ABL1: variants seen among roughly 807,000 people sequenced by gnomAD.
The protein encoded by ABL1 is tyrosine-protein kinase ABL1.
In ABL1, 11 loss-of-function variants were observed where a neutral mutation model predicts 94.7. The observed-to-expected ratio is 0.12, with a 90% CI of 0.07 to 0.19. ABL1 has a LOEUF of 0.19. Among genes scored for constraint, ABL1 ranks in the 10% least tolerant of loss-of-function variants. The pLI is 1.00. For missense variants in ABL1, 1,082 were observed against 1,489.4 expected, an observed-to-expected ratio of 0.73 and a Z score of 4.50; for synonymous variants, 656 against 622.4, an observed-to-expected ratio of 1.05 and a Z score of -0.80.
rs36109316 is a variant in ABL1 at position 130,748,765 on chromosome 9, C to T, written c.136+34310C>T. 5.1e-3 allele frequency among the ~76,000 whole-genome samples: 781 copies of T among 152,116 alleles called. 4 individuals carry two copies. The highest frequency in any genetic ancestry group is 8.1e-3 in the Non-Finnish European group (553 of 68,002). ...CTAATTTTTGTATTTTTAGTGGAGA[C>T]GGGGTTTCGCCATGTTGGCCAGGCT... On this transcript the variant is annotated intron_variant, in intron 1 of 10. Coordinates refer to the ABL1 transcript ENST00000372348.
chr9:130,857,258 A>G (rs1335900329), intron 3 of ABL1, among the ~76,000 whole-genome samples: 1 of 152,138 alleles, frequency 6.6e-6, no homozygotes, highest in South Asian at 2.1e-4. Context: ...TCACCAGGTC[A>G]CCCTCTATAG....
At chr9:130,846,044 A>C (rs918955543) in intron 1 of ABL1, among the ~76,000 whole-genome samples, 7 of 151,742 alleles carry the variant, frequency 4.6e-5, no homozygotes, top group African/African-American at 1.7e-4. Context: ...TTGGGATTTG[A>C]AGATAACACA....
At chr9:130,834,135 A>T (rs1262818503), upstream of ABL1, 5 of 454,262 alleles carry the variant, frequency 1.1e-5, no homozygotes, top group Non-Finnish European at 2.2e-5. Context: ...AACCTGAAGA[A>T]TTGGGATAAT....
rs969148028 is a variant in ABL1 at position 130,880,566 on chromosome 9, A to G, written c.1580A>G (p.Glu527Gly). The change falls in exon 10 of 11, where the codon GAG (glutamate) becomes GGG (glycine). Residue 527 changes from glutamate (E) to glycine (G), a missense_variant. By Grantham distance (98) the Glu-to-Gly change is moderately conservative. Around this residue, in one of 7 missense-constraint regions of ABL1, gnomAD observed 780 missense variants for 835.8 expected, o/e 0.93. Coordinates refer to ENST00000318560, the MANE Select transcript of ABL1 (RefSeq NM_005157.6). The surrounding 1 kb of genome is among the most constrained non-coding windows in gnomAD (Gnocchi z 4.4). ...GTGAGTACCTTGCTGCAGGCCCCAG[A>G]GCTGCCCACCAAGACGAGGACCTCC... ...GAVSTLLQAP[E>G]LPTKTRTSRR... The G allele has an allele frequency of 6.2e-7, 1 of 1,613,852 alleles. No homozygotes were observed. The highest frequency in any genetic ancestry group is 8.5e-7 in the Non-Finnish European group (1 of 1,179,890).
intron 1 of ABL1, among the ~76,000 whole-genome samples, chr9:130,776,655 G>A (rs1832315539): frequency 6.6e-6 from 1 of 152,158 alleles, no homozygotes; most frequent in Non-Finnish European, 1.5e-5. Flanking sequence ...ACAGGCTGGT[G>A]TGAAGTTGGT....
At position 130,789,948 on chromosome 9, in the gene ABL1, T is replaced by C. The variant is rs1213634420; in HGVS notation, c.137-64116T>C. ...TGAGAAGGTCCAACTTATGTCTAAT[T>C]GGAGTTCCAGAAGAAGATACTACAG... On this transcript the variant is annotated intron_variant, in intron 1 of 10. Coordinates refer to the ABL1 transcript ENST00000372348. Among the ~76,000 whole-genome samples the C allele has an allele frequency of 2.0e-5, 3 of 152,190 alleles. No individual in the cohort carries two copies. In the East Asian group the frequency reaches 5.8e-4, roughly 29 times the overall value.
In ABL1 at chr9:130,887,505, G is replaced by C. The variant is rs894441850; in HGVS notation, c.*1822G>C. The C allele has an allele frequency of 8.6e-6, 2 of 233,208 alleles. No homozygotes were observed. The highest frequency in any genetic ancestry group is 2.2e-5 in the African/African-American group (1 of 45,272). 14.4% of individuals were successfully genotyped at this position (233,208 alleles called of 1,614,324 possible). ...ATCTTTTATAGACGCTCTTTTCTAA[G>C]TGGCGTGTGCATAGCGTCCTGCCCT... On this transcript the variant is annotated 3_prime_UTR_variant, in exon 11 of 11. Transcript: ENST00000318560.
rs1201794127 is a variant in ABL1 at position 130,807,695 on chromosome 9, GTTTTT to G, written c.137-46353_137-46349del. ...ATATATATATATATATATATATATA[GTTTTT>G]TTTTTTTTTTTTTTTGAGATGGAGT... On this transcript the variant is annotated intron_variant, in intron 1 of 10. Transcript: ENST00000372348. 4.1e-5 allele frequency among the ~76,000 whole-genome samples: 3 copies of G among 73,696 alleles called. No individual in the cohort carries two copies. In the East Asian group the frequency reaches 1.1e-3, roughly 27 times the overall value. The allele number at this position is 73,696 out of a possible 152,430, so 48.3% of individuals were successfully genotyped here.
At position 130,884,871 on chromosome 9, in the gene ABL1, G is replaced by A. The variant is rs199613441; in HGVS notation, c.2581G>A (p.Ala861Thr). 1.6e-4 allele frequency: 256 copies of A among 1,606,508 alleles called. 2 individuals are homozygous for A. Among genetic ancestry groups the A allele is most frequent in the Non-Finnish European group, 3.2e-5 (38 of 1,176,724 alleles). The change falls in exon 11 of 11, where the codon GCA becomes ACA. Residue 861 changes from alanine to threonine, a missense_variant. By Grantham distance (58) the Ala-to-Thr change is moderately conservative. Transcript: ENST00000318560. This position sits in a 1 kb window ranked among gnomAD's most constrained non-coding sequence, Gnocchi z 5.6. ...CCCCACCAGCAAAGCAGGCTCAGGT[G>A]CACCAGGGGGCACCAGCAAGGGCCC... The part of the protein sequence containing the change: ...VTPTSKAGSG[A>T]PGGTSKGPAE...
intron 1 of ABL1, among the ~76,000 whole-genome samples, chr9:130,796,843 C>T (rs1240780050): frequency 1.3e-5 from 2 of 148,532 alleles, no homozygotes; most frequent in African/African-American, 5.1e-5. Context: ...CCACTTGAAC[C>T]CGGGAGGTAG....
At chr9:130,838,330 A>G (rs1830619406) in intron 1 of ABL1, among the ~76,000 whole-genome samples, 2 of 152,188 alleles carry the variant, frequency 1.3e-5, no homozygotes, top group Non-Finnish European at 1.5e-5. Context: ...AACTCCTCCA[A>G]TTAATCCCTG....
intron 1 of ABL1, among the ~76,000 whole-genome samples, chr9:130,839,078 T>A (rs12237770): frequency 0.29 from 41,520 of 145,086 alleles, 6,201 homozygotes; most frequent in East Asian, 0.4. Flanking sequence ...CTAATTAAAA[T>A]TTTTTTTTTT....
intron 1 of ABL1, among the ~76,000 whole-genome samples, chr9:130,753,422 C>CTT (rs71389347): frequency 5.2e-4 from 47 of 90,320 alleles, no homozygotes; most frequent in South Asian, 1.8e-3. Flanking sequence ...TTTTTCTTTT[C>CTT]TTTTTTTTTT....
chr9:130,776,823 C>A (rs867328893), intron 1 of ABL1, among the ~76,000 whole-genome samples: 3 of 152,258 alleles, frequency 2.0e-5, no homozygotes, highest in South Asian at 2.1e-4. Flanking sequence ...AACCCCTGGG[C>A]TCAAGCGATC....
At chr9:130,825,057 G>A (rs1234098718) in intron 1 of ABL1, among the ~76,000 whole-genome samples, 3 of 152,148 alleles carry the variant, frequency 2.0e-5, no homozygotes, top group Admixed American at 1.3e-4. Flanking sequence ...TCATTTCTAG[G>A]GTTTCCAGCC....
intron 4 of ABL1, among the ~76,000 whole-genome samples, chr9:130,864,907 C>G (rs1831131159): frequency 1.3e-5 from 2 of 152,192 alleles, no homozygotes; most frequent in Admixed American, 1.3e-4. Flanking sequence ...GCAAAATACC[C>G]TAGATTTCAA....
intron 4 of ABL1, among the ~76,000 whole-genome samples, chr9:130,865,459 T>A (rs1831139202): frequency 6.6e-6 from 1 of 152,136 alleles, no homozygotes; most frequent in South Asian, 2.1e-4. Flanking sequence ...CTATAGAAGC[T>A]GAAATTGCCA....
intron 1 of ABL1, among the ~76,000 whole-genome samples, chr9:130,837,394 T>A (rs528040586): frequency 1.3e-5 from 2 of 152,206 alleles, no homozygotes; most frequent in African/African-American, 4.8e-5. Flanking sequence ...GAGCAAAGTT[T>A]AGGTCACAGC....
chr9:130,786,246 G>A (rs1016142018), intron 1 of ABL1, among the ~76,000 whole-genome samples: 15 of 152,284 alleles, frequency 9.9e-5, no homozygotes, highest in African/African-American at 2.9e-4. Flanking sequence ...GCAGAGGGCC[G>A]TCCCTCGTTG....
Sources: allele counts gnomAD v4.1 joint callset (sites outside exome capture counted in the v4.1 genomes callset), GRCh38; gene constraint gnomAD v4.1.1; regional missense constraint gnomAD v4.1.1; non-coding constraint Gnocchi (gnomAD v3.1); transcripts MANE v1.5; gene names NCBI Gene and HGNC (gene_info 2026-07-23, HGNC 2026-07-21).